The following XIRP2 variants were observed in gnomAD, a reference collection of about 807,000 sequenced individuals.
XIRP2 encodes the protein xin actin binding repeat containing 2, also known as xin actin-binding repeat-containing protein 2.
XIRP2 carries 236 observed loss-of-function variants against 277.0 expected under a neutral mutation model. The ratio of observed to expected loss-of-function variants is 0.85; its 90% CI spans 0.77 to 0.95. The LOEUF (loss-of-function observed/expected upper bound fraction) is 0.95, where lower values mean the gene tolerates loss of function less well. Among genes scored for constraint, XIRP2 ranks in the 40% least tolerant of loss-of-function variants. XIRP2 has a pLI of 0.00. For synonymous variants in XIRP2, 1,490 were observed against 1,416.5 expected, an observed-to-expected ratio of 1.05 and a Z score of -1.17; for missense variants, 4,640 against 4,157.5, an observed-to-expected ratio of 1.12 and a Z score of -3.19.
intron 2 of XIRP2, among the ~76,000 whole-genome samples, chr2:166,908,855 A>G (rs1162851091): frequency 1.3e-5 from 2 of 152,216 alleles, no homozygotes; most frequent in East Asian, 3.8e-4. Flanking sequence ...TTTTCCTAGC[A>G]CCATTTATTA....
At chr2:167,226,094 C>T (rs1694591459) in intron 5 of XIRP2, among the ~76,000 whole-genome samples, 6 of 152,304 alleles carry the variant, frequency 3.9e-5, no homozygotes, top group Admixed American at 3.9e-4. Flanking sequence ...TACAGCAAAT[C>T]AGCTTTGCTC....
intron 2 of XIRP2, among the ~76,000 whole-genome samples, chr2:167,027,744 G>T (rs1182538960): frequency 2.0e-5 from 3 of 151,988 alleles, no homozygotes; most frequent in African/African-American, 7.2e-5. Context: ...CTTAGCTGCA[G>T]GTCTGTTGGA....
chr2:167,056,845 C>T (rs1689049221), intron 2 of XIRP2, among the ~76,000 whole-genome samples: 1 of 152,024 alleles, frequency 6.6e-6, no homozygotes, highest in South Asian at 2.1e-4. Flanking sequence ...ATTATATTCT[C>T]TTATAAAGCG....
intron 3 of XIRP2, among the ~76,000 whole-genome samples, chr2:167,161,161 C>G (rs554197795): frequency 1.3e-5 from 2 of 152,202 alleles, no homozygotes; most frequent in African/African-American, 4.8e-5. Context: ...CAGGGTACAG[C>G]CTCCCTCCAA....
At chr2:167,156,523 C>T (rs933502467) in intron 3 of XIRP2, among the ~76,000 whole-genome samples, 4 of 152,114 alleles carry the variant, frequency 2.6e-5, no homozygotes, top group African/African-American at 9.7e-5. Flanking sequence ...TAAAGTATTT[C>T]TCTATGATGT....
At chr2:167,054,522 A>G (rs1192559066) in intron 2 of XIRP2, among the ~76,000 whole-genome samples, 5 of 152,114 alleles carry the variant, frequency 3.3e-5, no homozygotes, top group Non-Finnish European at 7.4e-5. Flanking sequence ...CATCTCTGCT[A>G]AAAATACAAA....
At chr2:167,210,714 G>T (rs1253530800) in intron 3 of XIRP2, 21 bp from the exon 4 acceptor site, 2 of 1,613,854 alleles carry the variant, frequency 1.2e-6, no homozygotes, top group South Asian at 2.2e-5. Context: ...ACATGTGTAA[G>T]CATGCTCTGT....
At chr2:167,172,702 C>T (rs1464225899) in intron 3 of XIRP2, among the ~76,000 whole-genome samples, 1 of 152,216 alleles carries the variant, frequency 6.6e-6, no homozygotes, top group East Asian at 1.9e-4. Context: ...ACCTAATGGT[C>T]ATTTCCCTTA....
At chr2:167,155,541 C>G (rs1300957505) in intron 3 of XIRP2, among the ~76,000 whole-genome samples, 1 of 152,174 alleles carries the variant, frequency 6.6e-6, no homozygotes, top group Non-Finnish European at 1.5e-5. Context: ...TGACAAAATT[C>G]AACAGCCCTT....
chr2:167,061,148 A>G (rs536217191), intron 2 of XIRP2, among the ~76,000 whole-genome samples: 179 of 152,208 alleles, frequency 1.2e-3, no homozygotes, highest in African/African-American at 4.1e-3. Context: ...TCAATTTCCA[A>G]TTGTTTGTTA....
intron 2 of XIRP2, among the ~76,000 whole-genome samples, chr2:167,069,202 C>G (rs1408919474): frequency 6.6e-6 from 1 of 152,170 alleles, no homozygotes; most frequent in South Asian, 2.1e-4. Flanking sequence ...ATTCAGTGTA[C>G]TACTGAAGTT....
At position 167,249,853 on chromosome 2, in the gene XIRP2, A is replaced by G; in HGVS notation, c.8461A>G (p.Lys2821Glu). 6.2e-7 allele frequency: 1 copy of G among 1,613,634 alleles called. No homozygotes were observed. Among genetic ancestry groups the G allele is most frequent in the South Asian group, 1.1e-5 (1 of 91,072 alleles). The change falls in exon 9 of 11, where the codon AAA (lysine) becomes GAA (glutamate). Residue 2821 changes from lysine to glutamate, a missense_variant. Lys to Glu is a moderately conservative substitution (Grantham distance 56). Transcript: ENST00000409195. Reference protein sequence around the residue: ...DRGKLPGSEEKNQGPSMIGRK... With the variant: ...DRGKLPGSEEENQGPSMIGRK... Reference sequence around the variant, plus strand: ...AGGGAAACTTCCAGGAAGTGAAGAAAAAAATCAGGGACCATCAATGATTGG... The same window carrying G: ...AGGGAAACTTCCAGGAAGTGAAGAAGAAAATCAGGGACCATCAATGATTGG...
chr2:166,926,985 T>C (rs1231497447), intron 2 of XIRP2, among the ~76,000 whole-genome samples: 3 of 152,154 alleles, frequency 2.0e-5, no homozygotes, highest in Admixed American at 6.6e-5. Context: ...AAGGTGAGCA[T>C]GGCTCATTGA....
rs544942578 is a variant in XIRP2, at chr2:167,023,025, G to A, written c.409-112884G>A. 1.3e-4 allele frequency among the ~76,000 whole-genome samples: 20 copies of A among 152,198 alleles called. No homozygotes were observed. In the South Asian group the frequency reaches 2.3e-3, roughly 17 times the overall value. On this transcript the variant is annotated intron_variant, in intron 2 of 10. Coordinates refer to ENST00000409195, the MANE Select transcript of XIRP2 (RefSeq NM_152381.6). Reference sequence around the variant, plus strand: ...TCTAGTTCTAGATCCCTGAGGAATCGCCACACGGACTTCCACAATGGTTGA... The same window carrying A: ...TCTAGTTCTAGATCCCTGAGGAATCACCACACGGACTTCCACAATGGTTGA...
chr2:167,009,060 A>G (rs1687587043), intron 2 of XIRP2, among the ~76,000 whole-genome samples: 1 of 150,980 alleles, frequency 6.6e-6, no homozygotes, highest in African/African-American at 2.4e-5. Context: ...TTTATTTATT[A>G]TTTTATTTTA....
intron 2 of XIRP2, among the ~76,000 whole-genome samples, chr2:167,105,186 G>A (rs1299589291): frequency 6.6e-6 from 1 of 151,796 alleles, no homozygotes; most frequent in African/African-American, 2.4e-5. Flanking sequence ...TCCCTCAATG[G>A]TAACATCTTG....
chr2:167,027,403 G>A (rs532451570), intron 2 of XIRP2, among the ~76,000 whole-genome samples: 21 of 151,956 alleles, frequency 1.4e-4, no homozygotes, highest in Admixed American at 3.9e-4. Flanking sequence ...TTATCCATTC[G>A]TCTAATTTTT....
chr2:167,189,703 TCG>T (rs1450535638), intron 3 of XIRP2, among the ~76,000 whole-genome samples: 4 of 152,314 alleles, frequency 2.6e-5, no homozygotes, highest in African/African-American at 7.2e-5. Context: ...TGTTGTATTA[TCG>T]GTTTTCTGAC....
rs762265164 is a variant in XIRP2, at chr2:167,249,674, G to A, written c.8282G>A (p.Ser2761Asn). The A allele has an allele frequency of 3.3e-5, 53 of 1,613,328 alleles. No individual in the cohort carries two copies. Among genetic ancestry groups the A allele is most frequent in the Non-Finnish European group, 4.2e-5 (50 of 1,179,754 alleles). ...TKKTEASTEC[S>N]HKQSLAERHY... ...AAAACTGAAGCAAGCACTGAATGTA[G>A]TCATAAGCAATCTCTGGCTGAAAGA... Residue 2761 changes from serine (S) to asparagine (N), a missense_variant, in exon 9 of 11, where the codon AGT (serine) becomes AAT (asparagine). Ser to Asn is a conservative substitution (Grantham distance 46). Coordinates refer to ENST00000409195, the MANE Select transcript of XIRP2 (RefSeq NM_152381.6).
Sources: allele counts gnomAD v4.1 joint callset (sites outside exome capture counted in the v4.1 genomes callset), GRCh38; gene constraint gnomAD v4.1.1; transcripts MANE v1.5; gene names NCBI Gene and HGNC (gene_info 2026-07-23, HGNC 2026-07-21).